Variants in TACC2 observed in about 807,000 individuals in gnomAD.
TACC2 encodes the protein transforming acidic coiled-coil-containing protein 2.
In TACC2, 137 loss-of-function variants were observed where a neutral mutation model predicts 227.3. That is an observed-to-expected ratio of 0.60 (90% confidence interval 0.52 to 0.69). TACC2 has a LOEUF of 0.69. Among genes scored for constraint, TACC2 ranks in the 30% least tolerant of loss-of-function variants. The probability of loss-of-function intolerance (pLI) is 0.00; values close to 1 mark genes in which losing one functional copy is unlikely to be tolerated. For missense variants in TACC2, 3,470 were observed against 3,694.4 expected (o/e 0.94, Z 1.57); for synonymous variants, 1,523 against 1,487.5 (o/e 1.02, Z -0.55).
At chr10:122,073,126 A>ATATATAT (rs1554995816) in intron 3 of TACC2, among the ~76,000 whole-genome samples, 1 of 71,018 alleles carries the variant, frequency 1.4e-5, no homozygotes, top group Non-Finnish European at 2.5e-5. Context: ...AAAAAAAAAA[A>ATATATAT]ATATATATAT....
At chr10:122,017,583 G>T (rs903158559) in intron 1 of TACC2, among the ~76,000 whole-genome samples, 15 of 152,112 alleles carry the variant, frequency 9.9e-5, no homozygotes, top group Admixed American at 9.8e-4. Flanking sequence ...TTGGGAGGCT[G>T]AGGCAGGCGG....
At chr10:122,088,200 A>G (rs893797539) in intron 4 of TACC2, among the ~76,000 whole-genome samples, 15 of 152,182 alleles carry the variant, frequency 9.9e-5, no homozygotes, top group Non-Finnish European at 1.6e-4. Context: ...TCCTTAATTC[A>G]TCTAACTTAA....
intron 19 of TACC2, among the ~76,000 whole-genome samples, chr10:122,245,955 T>C (rs1049600726): frequency 1.3e-5 from 2 of 149,970 alleles, no homozygotes; most frequent in African/African-American, 5.1e-5. Flanking sequence ...TCCTAGCCAC[T>C]GGCCTGGGCA....
intron 2 of TACC2, among the ~76,000 whole-genome samples, chr10:122,038,216 C>A (rs2073819945): frequency 6.6e-6 from 1 of 152,090 alleles, no homozygotes; most frequent in African/African-American, 2.4e-5. Context: ...TTGCAGTGAG[C>A]CAAGATGGCG....
At chr10:122,019,992 C>G (rs1357572744) in intron 1 of TACC2, 2 of 152,166 alleles carry the variant, frequency 1.3e-5, no homozygotes, top group Non-Finnish European at 2.9e-5. Flanking sequence ...CCAGGCTTCC[C>G]TCGGCGGTTT....
At chr10:122,134,388 G>A (rs1435888353) in intron 6 of TACC2, among the ~76,000 whole-genome samples, 3 of 151,994 alleles carry the variant, frequency 2.0e-5, no homozygotes, top group Non-Finnish European at 2.9e-5. Context: ...ATGTTGGCCA[G>A]GCTGTTCTCA....
intron 5 of TACC2, among the ~76,000 whole-genome samples, chr10:122,105,002 G>A (rs1013068843): frequency 2.0e-5 from 3 of 152,332 alleles, no homozygotes; most frequent in African/African-American, 4.8e-5. Flanking sequence ...GGGCCAGGAT[G>A]TAGCAGCACT....
At chr10:122,028,782 G>T (rs1362571959) in intron 2 of TACC2, among the ~76,000 whole-genome samples, 27 of 17,486 alleles carry the variant, frequency 1.5e-3, no homozygotes, top group African/African-American at 5.4e-3. Context: ...CCTTGCCTCC[G>T]CTCCCCTCCC....
chr10:121,993,392 A>G (rs978560563), intron 1 of TACC2, among the ~76,000 whole-genome samples: 1 of 152,228 alleles, frequency 6.6e-6, no homozygotes, highest in Non-Finnish European at 1.5e-5. Context: ...ATACATTCAC[A>G]TGAGATAAAA....
chr10:122,085,317 G>T lies in TACC2; in HGVS notation c.2817G>T (p.Gln939His). 1 of 1,614,088 alleles carries T rather than the reference G, an allele frequency of 6.2e-7. No individual in the cohort carries two copies. The highest frequency in any genetic ancestry group is 1.1e-5 in the South Asian group (1 of 91,076). ...CAGAATTGTCAGCACCAACGAGACAGAAGTTGCCTGCACTAGGGGAGAAGC... is the reference window on the plus strand; with the variant it reads ...CAGAATTGTCAGCACCAACGAGACATAAGTTGCCTGCACTAGGGGAGAAGC... ...EESELSAPTRQKLPALGEKRP... is the reference protein window; with the variant it reads ...EESELSAPTRHKLPALGEKRP... Residue 939 changes from glutamine to histidine, a missense_variant, in exon 4 of 23, where the codon CAG becomes CAT. Transcript: ENST00000369005.
chr10:122,013,248 A>G (rs1956167741), intron 1 of TACC2, among the ~76,000 whole-genome samples: 1 of 152,136 alleles, frequency 6.6e-6, no homozygotes, highest in Non-Finnish European at 1.5e-5. Flanking sequence ...AAAGGAAGAA[A>G]ACAGCAGGCT....
At chr10:122,035,890 G>A (rs1960155364) in intron 2 of TACC2, among the ~76,000 whole-genome samples, 1 of 151,990 alleles carries the variant, frequency 6.6e-6, no homozygotes, top group Non-Finnish European at 1.5e-5. Context: ...ATAGTTCACT[G>A]CAACCTTGAA....
At chr10:121,999,563 G>A (rs1954014001) in intron 1 of TACC2, among the ~76,000 whole-genome samples, 1 of 152,230 alleles carries the variant, frequency 6.6e-6, no homozygotes, top group African/African-American at 2.4e-5. Context: ...TGCAGGGCCT[G>A]GTGGAAGTTT....
Position 122,050,404 on chromosome 10 carries a change from A to G in TACC2, c.34-34A>G. 6.4e-7 allele frequency: 1 copy of G among 1,560,506 alleles called. No individual in the cohort carries two copies. Among genetic ancestry groups the G allele is most frequent in the Non-Finnish European group, 8.8e-7 (1 of 1,133,380 alleles). On this transcript the variant is annotated intron_variant, in intron 2 of 22. Coordinates refer to ENST00000369005, the MANE Select transcript of TACC2 (RefSeq NM_206862.4). The surrounding 1 kb of genome is among the most constrained non-coding windows in gnomAD (Gnocchi z 4.6). ...TTGTGTTTTCAGAGACTCCTATCTG[A>G]TTTCCTTTCCAATTTCTTTTTCTCC... is the stretch of plus-strand genomic sequence containing the variant.
intron 1 of TACC2, among the ~76,000 whole-genome samples, chr10:122,018,800 C>T (rs924409558): frequency 6.6e-6 from 1 of 152,156 alleles, no homozygotes; most frequent in Non-Finnish European, 1.5e-5. Flanking sequence ...GAAACATACA[C>T]ACTTCTGCTC....
chr10:122,222,841 T>C (rs2095547259), intron 11 of TACC2, among the ~76,000 whole-genome samples: 1 of 152,182 alleles, frequency 6.6e-6, no homozygotes, highest in Non-Finnish European at 1.5e-5. Flanking sequence ...TGTTACATCA[T>C]TTAGGGCATG....
chr10:122,242,955 T>C (rs976662097), intron 19 of TACC2, among the ~76,000 whole-genome samples: 6 of 152,088 alleles, frequency 3.9e-5, no homozygotes, highest in African/African-American at 9.7e-5. Flanking sequence ...AGTTTTGTTG[T>C]TGTTGTTTGA....
At chr10:122,245,896 C>T (rs1218403142) in intron 19 of TACC2, among the ~76,000 whole-genome samples, 1 of 152,134 alleles carries the variant, frequency 6.6e-6, no homozygotes, top group Non-Finnish European at 1.5e-5. Flanking sequence ...CAAGGTCACT[C>T]GTATGGAAAG....
chr10:122,121,850 G>T (rs1367595384), intron 5 of TACC2, among the ~76,000 whole-genome samples: 1 of 152,164 alleles, frequency 6.6e-6, no homozygotes, highest in Non-Finnish European at 1.5e-5. Flanking sequence ...TTCCTGCCCT[G>T]CCAGAGGCCT....
Sources: allele counts gnomAD v4.1 joint callset (sites outside exome capture counted in the v4.1 genomes callset), GRCh38; gene constraint gnomAD v4.1.1; non-coding constraint Gnocchi (gnomAD v3.1); transcripts MANE v1.5; gene names NCBI Gene and HGNC (gene_info 2026-07-23, HGNC 2026-07-21).